Variants in CERS3 observed in about 807,000 individuals in gnomAD.
CERS3 encodes ceramide synthase 3, also known as LAG1 homolog, ceramide synthase 3.
Under a neutral mutation model 50.3 loss-of-function variants are expected in CERS3, and 33 were observed. That is an observed-to-expected ratio of 0.66 (90% confidence interval 0.50 to 0.88). The LOEUF is 0.88. Among genes scored for constraint, CERS3 ranks in the 40% least tolerant of loss-of-function variants. The pLI, the probability that CERS3 is intolerant of heterozygous loss-of-function variation, is 0.00. For synonymous variants in CERS3, 176 were observed against 155.2 expected (o/e 1.13, Z -0.99); for missense variants, 470 against 460.3 (o/e 1.02, Z -0.19).
Position 100,402,856 on chromosome 15 carries a change from C to T in CERS3, c.1009G>A (p.Asp337Asn). Residue 337 changes from aspartate (D) to asparagine (N), a missense_variant, in exon 12 of 12, where the codon GAT (aspartate) becomes AAT (asparagine). Asp to Asn is a conservative substitution (Grantham distance 23). Coordinates refer to ENST00000679737, the MANE Select transcript of CERS3 (RefSeq NM_001378789.1). ...TAATCCTCGTCATCACTCCTCACATCCTGGATGCTCTAGACAAAGGAAAGA... is the reference window on the plus strand; with the variant it reads ...TAATCCTCGTCATCACTCCTCACATTCTGGATGCTCTAGACAAAGGAAAGA... ...NRCIFMKSIQ[D>N]VRSDDEDYEE... 1 of 1,597,644 alleles carries T rather than the reference C, an allele frequency of 6.3e-7. No homozygotes were observed. Among genetic ancestry groups the T allele is most frequent in the Non-Finnish European group, 8.5e-7 (1 of 1,170,656 alleles).
intron 1 of CERS3, chr15:100,544,040 C>T (rs1228096406): frequency 1.3e-5 from 2 of 152,300 alleles, no homozygotes; most frequent in East Asian, 3.8e-4. Context: ...GGAATCACGT[C>T]CAGGCCTCCA....
chr15:100,432,410 A>G (rs2033181199), intron 11 of CERS3, among the ~76,000 whole-genome samples: 1 of 152,216 alleles, frequency 6.6e-6, no homozygotes, highest in South Asian at 2.1e-4. Context: ...GCACCAGACA[A>G]TTCCCCAGTG....
chr15:100,489,060 C>A (rs2035572967), intron 4 of CERS3, among the ~76,000 whole-genome samples: 1 of 152,248 alleles, frequency 6.6e-6, no homozygotes, highest in Non-Finnish European at 1.5e-5. Context: ...CAGGCGTAAG[C>A]CACTGCGCCC....
intron 2 of CERS3, among the ~76,000 whole-genome samples, chr15:100,509,138 C>T (rs1056899535): frequency 2.0e-5 from 3 of 152,120 alleles, no homozygotes; most frequent in African/African-American, 4.8e-5. Context: ...AGGGGGTTCA[C>T]GGTCATTCTT....
At chr15:100,421,044 A>G (rs2032385855) in intron 11 of CERS3, among the ~76,000 whole-genome samples, 2 of 146,696 alleles carry the variant, frequency 1.4e-5, no homozygotes, top group African/African-American at 2.5e-5. Context: ...GCCCTCTCTC[A>G]CCACTCCTAT....
At position 100,420,116 on chromosome 15, in the gene CERS3, C is replaced by G. The variant is rs914050234; in HGVS notation, c.1000-17251G>C. On this transcript the variant is annotated intron_variant, in intron 11 of 11. Transcript: ENST00000679737. ...CTGAAGGAAATAGAGACACAAAAAC[C>G]CTTCAAAAAATTAATGAATCCAGGA... Among the ~76,000 whole-genome samples the G allele has an allele frequency of 3.8e-3, 569 of 147,820 alleles. 7 individuals carry two copies. The highest frequency in any genetic ancestry group is 0.014 in the African/African-American group (544 of 40,044).
chr15:100,496,047 C>T (rs572028117), intron 3 of CERS3, among the ~76,000 whole-genome samples: 1 of 152,286 alleles, frequency 6.6e-6, no homozygotes, highest in African/African-American at 2.4e-5. Flanking sequence ...TGTCTGGCTT[C>T]TTTCACAGAG....
rs1157792283 is a variant in CERS3, at chr15:100,428,033, A to G, written c.1000-25168T>C. Among the ~76,000 whole-genome samples the G allele has an allele frequency of 2.6e-5, 4 of 152,226 alleles. No homozygotes were observed. In the South Asian group the frequency reaches 6.2e-4, roughly 24 times the overall value. On this transcript the variant is annotated intron_variant, in intron 11 of 11. Transcript: ENST00000679737. ...GTGTCCTTCCCAGCCCTCATGGTAC[A>G]TAACAGTGAAGGAACTGAAGGTTAT...
intron 2 of CERS3, among the ~76,000 whole-genome samples, chr15:100,517,403 T>G (rs2036522673): frequency 6.6e-6 from 1 of 152,152 alleles, no homozygotes; most frequent in African/African-American, 2.4e-5. Flanking sequence ...TCTGACCAAG[T>G]GTTGGTGGGG....
At chr15:100,417,526 G>A (rs2032034618) in intron 11 of CERS3, among the ~76,000 whole-genome samples, 1 of 152,050 alleles carries the variant, frequency 6.6e-6, no homozygotes, top group South Asian at 2.1e-4. Flanking sequence ...CATTGCCCAG[G>A]CTTGCTTAGG....
intron 11 of CERS3, among the ~76,000 whole-genome samples, chr15:100,439,933 T>G (rs888075921): frequency 3.3e-5 from 5 of 152,214 alleles, no homozygotes; most frequent in Non-Finnish European, 7.4e-5. Context: ...CCCAACCTGC[T>G]GGGTTTCTAA....
intron 11 of CERS3, among the ~76,000 whole-genome samples, chr15:100,438,365 AT>A (rs2142143362): frequency 6.6e-6 from 1 of 151,788 alleles, no homozygotes; most frequent in South Asian, 2.1e-4. Flanking sequence ...ATTTATTTTT[AT>A]TTTTTGAAAT....
chr15:100,413,775 A>AT (rs1239292204), intron 11 of CERS3, among the ~76,000 whole-genome samples: 4 of 148,540 alleles, frequency 2.7e-5, no homozygotes, highest in Non-Finnish European at 5.9e-5. Flanking sequence ...AAATACAAGA[A>AT]AAAAAAAAAA....
At chr15:100,514,427 T>A (rs2036436037) in intron 2 of CERS3, among the ~76,000 whole-genome samples, 1 of 152,164 alleles carries the variant, frequency 6.6e-6, no homozygotes, top group Non-Finnish European at 1.5e-5. Flanking sequence ...AATGATACTA[T>A]CCTTTTGGAA....
At chr15:100,467,823 G>GTGTGTA (rs1555528291) in intron 10 of CERS3, among the ~76,000 whole-genome samples, 1 of 44,040 alleles carries the variant, frequency 2.3e-5, no homozygotes. Flanking sequence ...ATATATATGT[G>GTGTGTA]TATATATATA....
intron 1 of CERS3, among the ~76,000 whole-genome samples, chr15:100,522,138 T>C (rs1026705370): frequency 6.6e-6 from 1 of 152,234 alleles, no homozygotes; most frequent in South Asian, 2.1e-4. Flanking sequence ...TTTCTCAATA[T>C]GAATTATGTC....
intron 11 of CERS3, among the ~76,000 whole-genome samples, chr15:100,455,398 C>T (rs8035180): frequency 0.55 from 83,957 of 152,014 alleles, 23,341 homozygotes; most frequent in African/African-American, 0.58. Context: ...CAATCTTCAG[C>T]AGCAGGTGAC....
At chr15:100,488,096 C>T (rs1424328846) in intron 4 of CERS3, among the ~76,000 whole-genome samples, 1 of 152,170 alleles carries the variant, frequency 6.6e-6, no homozygotes, top group East Asian at 1.9e-4. Context: ...TTATCAGACA[C>T]ACACCTGCAT....
chr15:100,525,119 T>G lies in CERS3; in HGVS notation c.-91-3363A>C, dbSNP rs73475766. 8.5e-3 allele frequency among the ~76,000 whole-genome samples: 1,298 copies of G among 152,336 alleles called. 23 individuals carry two copies. Among genetic ancestry groups the G allele is most frequent in the African/African-American group, 0.029 (1,220 of 41,566 alleles). ...GCATCTTTTGGTTGTGTTTTCATAT[T>G]ATGCACATACACACATGTGTATGAA... On this transcript the variant is annotated intron_variant, in intron 1 of 11. Transcript: ENST00000679737.
Sources: allele counts gnomAD v4.1 joint callset (sites outside exome capture counted in the v4.1 genomes callset), GRCh38; gene constraint gnomAD v4.1.1; transcripts MANE v1.5; gene names NCBI Gene and HGNC (gene_info 2026-07-23, HGNC 2026-07-21).